Variants in NEK7 observed in about 807,000 individuals in gnomAD.
NEK7 encodes NIMA related kinase 7.
A neutral mutation model predicts 44.6 loss-of-function variants in NEK7; 18 were observed. That is an observed-to-expected ratio of 0.40 (90% CI 0.28 to 0.60). The LOEUF (loss-of-function observed/expected upper bound fraction) is 0.60, where lower values mean the gene tolerates loss of function less well. NEK7 is among the 20% of genes least tolerant of loss of function. The probability of loss-of-function intolerance (pLI) is 0.38; values close to 1 mark genes in which losing one functional copy is unlikely to be tolerated. For missense variants in NEK7, 256 were observed against 366.5 expected, an observed-to-expected ratio of 0.70 and a Z score of 2.46; for synonymous variants, 130 against 121.1, an observed-to-expected ratio of 1.07 and a Z score of -0.48.
At chr1:198,308,317 A>T (rs534162063) in intron 9 of NEK7, among the ~76,000 whole-genome samples, 61 of 152,282 alleles carry the variant, frequency 4.0e-4, no homozygotes, top group African/African-American at 1.4e-3. Flanking sequence ...TTTAATGTAT[A>T]CAATTCAGTT....
chr1:198,295,090 A>C (rs1285478374), intron 8 of NEK7, among the ~76,000 whole-genome samples: 1 of 151,720 alleles, frequency 6.6e-6, no homozygotes, highest in African/African-American at 2.4e-5. Context: ...GAAACCTCAA[A>C]AAAAAAAAAA....
intron 9 of NEK7, among the ~76,000 whole-genome samples, chr1:198,310,102 C>T (rs1365857722): frequency 6.6e-6 from 1 of 152,004 alleles, no homozygotes; most frequent in African/African-American, 2.4e-5. Flanking sequence ...CTCTCCAGCA[C>T]CTGTTGTTTC....
chr1:198,246,861 A>G (rs980844881), intron 2 of NEK7, among the ~76,000 whole-genome samples: 2 of 152,252 alleles, frequency 1.3e-5, no homozygotes, highest in African/African-American at 2.4e-5. Context: ...TCATTAAGTG[A>G]AAGAATGGTC....
chr1:198,248,965 G>A (rs1263189198), intron 2 of NEK7, among the ~76,000 whole-genome samples: 1 of 151,558 alleles, frequency 6.6e-6, no homozygotes, highest in Non-Finnish European at 1.5e-5. Context: ...ATGTATACAT[G>A]TGCCATGCTG....
chr1:198,158,845 C>T (rs941448513), intron 1 of NEK7, among the ~76,000 whole-genome samples: 1 of 152,168 alleles, frequency 6.6e-6, no homozygotes, highest in Non-Finnish European at 1.5e-5. Flanking sequence ...AGAACAGCGG[C>T]ATCCTCTATT....
At chr1:198,165,512 A>G (rs900698662) in intron 1 of NEK7, among the ~76,000 whole-genome samples, 4 of 152,230 alleles carry the variant, frequency 2.6e-5, no homozygotes, top group African/African-American at 4.8e-5. Context: ...GTGACTAGGT[A>G]CATTGTCAAT....
chr1:198,236,927 C>G (rs1199870969), intron 2 of NEK7, among the ~76,000 whole-genome samples: 3 of 152,120 alleles, frequency 2.0e-5, no homozygotes, highest in Admixed American at 2.0e-4. Context: ...GTAATTCAGT[C>G]TCCCATTTCT....
intron 7 of NEK7, among the ~76,000 whole-genome samples, chr1:198,281,146 T>A (rs1347775964): frequency 6.6e-6 from 1 of 151,910 alleles, no homozygotes; most frequent in East Asian, 1.9e-4. Context: ...TCAGGAAAAA[T>A]TCTCTGCTAA....
At chr1:198,250,686 G>C (rs1292676056) in intron 2 of NEK7, among the ~76,000 whole-genome samples, 1 of 125,684 alleles carries the variant, frequency 8.0e-6, no homozygotes, top group Non-Finnish European at 1.7e-5. Flanking sequence ...CTGTTTGTCT[G>C]TTATTGGTGT....
At position 198,227,513 on chromosome 1, in the gene NEK7, C is replaced by T. The variant is rs545955450; in HGVS notation, c.-28-5040C>T. 2.6e-5 allele frequency among the ~76,000 whole-genome samples: 4 copies of T among 152,340 alleles called. No homozygotes were observed. The South Asian group carries it at 8.3e-4, about 32-fold the overall frequency. ...GTGTAAAAGTGTTCCTATTTCTCCACATCCTCTCCAGCACCTGTTGTTTCC... is the reference window on the plus strand; with the variant it reads ...GTGTAAAAGTGTTCCTATTTCTCCATATCCTCTCCAGCACCTGTTGTTTCC... On this transcript the variant is annotated intron_variant, in intron 1 of 9. Coordinates refer to ENST00000367385, the MANE Select transcript of NEK7 (RefSeq NM_133494.3).
intron 2 of NEK7, among the ~76,000 whole-genome samples, chr1:198,242,997 T>G (rs373280901): frequency 2.6e-5 from 4 of 152,106 alleles, no homozygotes; most frequent in African/African-American, 4.8e-5. Flanking sequence ...TTAACCTCAT[T>G]TCTAACCATG....
At chr1:198,271,908 TA>T (rs1177571833) in intron 5 of NEK7, among the ~76,000 whole-genome samples, 1 of 95,204 alleles carries the variant, frequency 1.1e-5, no homozygotes, top group South Asian at 4.5e-4. Context: ...TTATATTTTA[TA>T]TATATATATA....
At chr1:198,240,759 G>A (rs1428025249) in intron 2 of NEK7, among the ~76,000 whole-genome samples, 2 of 152,136 alleles carry the variant, frequency 1.3e-5, no homozygotes, top group African/African-American at 2.4e-5. Flanking sequence ...GCAGTGGCAC[G>A]ATCTCGGCTC....
intron 1 of NEK7, among the ~76,000 whole-genome samples, chr1:198,203,720 A>G (rs1287802361): frequency 2.6e-5 from 4 of 152,210 alleles, no homozygotes; most frequent in Non-Finnish European, 5.9e-5. Flanking sequence ...AATAAAACTA[A>G]CAAAAGAATG....
chr1:198,277,754 C>T (rs1012915859), intron 5 of NEK7: 17 of 478,452 alleles, frequency 3.6e-5, no homozygotes, highest in African/African-American at 9.9e-5. Context: ...ACACAGTTTC[C>T]GCTAACCTTA....
intron 1 of NEK7, among the ~76,000 whole-genome samples, chr1:198,159,747 C>G (rs1368125184): frequency 1.3e-5 from 2 of 152,134 alleles, no homozygotes. Context: ...CCCAGTAAAA[C>G]AGCACTTACC....
chr1:198,184,939 C>T (rs1252639129), intron 1 of NEK7, among the ~76,000 whole-genome samples: 2 of 152,038 alleles, frequency 1.3e-5, no homozygotes, highest in African/African-American at 2.4e-5. Flanking sequence ...GCACTTCTGG[C>T]TTCAAGTCAT....
At chr1:198,163,521 AT>A (rs1223977288) in intron 1 of NEK7, among the ~76,000 whole-genome samples, 7 of 152,140 alleles carry the variant, frequency 4.6e-5, no homozygotes, top group Admixed American at 1.3e-4. Context: ...TCTAAAAAAA[AT>A]AAAAAAAAAA....
intron 2 of NEK7, among the ~76,000 whole-genome samples, chr1:198,246,860 G>A (rs1666848988): frequency 1.3e-5 from 2 of 152,218 alleles, no homozygotes; most frequent in Non-Finnish European, 2.9e-5. Context: ...TTCATTAAGT[G>A]AAAGAATGGT....
Sources: allele counts gnomAD v4.1 joint callset (sites outside exome capture counted in the v4.1 genomes callset), GRCh38; gene constraint gnomAD v4.1.1; transcripts MANE v1.5; gene names NCBI Gene and HGNC (gene_info 2026-07-23, HGNC 2026-07-21).